CDH6: variants seen among roughly 807,000 people sequenced by gnomAD.
The protein encoded by CDH6 is cadherin-6.
CDH6 carries 31 observed loss-of-function variants against 78.0 expected under a neutral mutation model. The observed-to-expected ratio is 0.40, with a 90% CI of 0.30 to 0.54. The LOEUF (loss-of-function observed/expected upper bound fraction) is 0.54, where lower values mean the gene tolerates loss of function less well. Among genes scored for constraint, CDH6 ranks in the 20% least tolerant of loss-of-function variants. The probability of loss-of-function intolerance (pLI) is 0.56; values close to 1 mark genes in which losing one functional copy is unlikely to be tolerated. For missense variants in CDH6, 724 were observed against 975.9 expected, an observed-to-expected ratio of 0.74 and a Z score of 3.44; for synonymous variants, 376 against 368.8, an observed-to-expected ratio of 1.02 and a Z score of -0.23.
intron 1 of CDH6, among the ~76,000 whole-genome samples, chr5:31,245,934 A>G (rs531618586): frequency 1.5e-3 from 156 of 103,684 alleles, no homozygotes; most frequent in African/African-American, 6.0e-3. Flanking sequence ...TGTGAGACAG[A>G]GTTTTGCTCG....
chr5:31,267,244 T>G (rs1003282366), intron 1 of CDH6, 102 bp from the exon 2 acceptor site: 14 of 495,628 alleles, frequency 2.8e-5, no homozygotes, highest in African/African-American at 2.7e-4. Context: ...TTTTTGTTGT[T>G]TTGCTATTCA....
rs180732528 is a variant in CDH6, at chr5:31,221,843, A to C, written c.-129+27957A>C. ...TGAAACTTAAAATTCCAATTTGGCC[A>C]TTACGAGTTAGGAGTTTTTGAGACA... On this transcript the variant is annotated intron_variant, in intron 1 of 11. Transcript: ENST00000265071. Among the ~76,000 whole-genome samples, 27 of 152,322 alleles carry C rather than the reference A, an allele frequency of 1.8e-4. No homozygotes were observed. The East Asian group carries it at 5.2e-3, about 29-fold the overall frequency.
chr5:31,231,067 A>G (rs930087871), intron 1 of CDH6, among the ~76,000 whole-genome samples: 2 of 152,154 alleles, frequency 1.3e-5, no homozygotes, highest in South Asian at 2.1e-4. Context: ...TTCAAATGCA[A>G]TATTTTTCTT....
chr5:31,290,345 G>A (rs1743123619), intron 2 of CDH6, among the ~76,000 whole-genome samples: 1 of 152,220 alleles, frequency 6.6e-6, no homozygotes, highest in Middle Eastern at 3.2e-3. Flanking sequence ...TACAGGTACA[G>A]TAGTAAAAAG....
intron 11 of CDH6, among the ~76,000 whole-genome samples, chr5:31,320,526 G>A (rs1177003028): frequency 6.6e-6 from 1 of 152,104 alleles, no homozygotes; most frequent in Non-Finnish European, 1.5e-5. Context: ...AATCCCAATG[G>A]ATGTCCTTAC....
rs2149962636 is a variant in CDH6, at chr5:31,323,593, G to A, written c.*285G>A. 2.5e-6 allele frequency: 1 copy of A among 398,136 alleles called. No individual in the cohort carries two copies. Among genetic ancestry groups the A allele is most frequent in the East Asian group, 4.0e-5 (1 of 25,132 alleles). 24.7% of individuals were successfully genotyped at this position (398,136 alleles called of 1,614,324 possible). ...AGTATTTCCACTTGTTCTCAGGGCA[G>A]CGTGCCCGCTTCCGCTGTCCTGGTG... On this transcript the variant is annotated 3_prime_UTR_variant, in exon 12 of 12. Transcript: ENST00000265071.
chr5:31,211,852 G>A (rs1740716844), intron 1 of CDH6, among the ~76,000 whole-genome samples: 1 of 152,176 alleles, frequency 6.6e-6, no homozygotes, highest in Admixed American at 6.5e-5. Flanking sequence ...TTTGTTTGTG[G>A]TTGGGTTTTG....
chr5:31,219,244 T>G (rs1740943782), intron 1 of CDH6, among the ~76,000 whole-genome samples: 1 of 152,112 alleles, frequency 6.6e-6, no homozygotes, highest in African/African-American at 2.4e-5. Context: ...AGCCATCAGA[T>G]TTTTTTGACT....
chr5:31,293,864 T>C (rs561772279), intron 2 of CDH6, 98 bp from the exon 3 acceptor site: 3 of 708,724 alleles, frequency 4.2e-6, no homozygotes, highest in African/African-American at 3.7e-5. Flanking sequence ...TTAGAAAGAA[T>C]TTAATAAAAG....
At chr5:31,245,464 C>T (rs765082244) in intron 1 of CDH6, among the ~76,000 whole-genome samples, 2 of 152,006 alleles carry the variant, frequency 1.3e-5, no homozygotes, top group Non-Finnish European at 2.9e-5. Flanking sequence ...CGTCAGCTTA[C>T]AGGCCTTTGT....
chr5:31,250,696 G>C (rs528184106), intron 1 of CDH6: 1 of 152,666 alleles, frequency 6.6e-6, no homozygotes, highest in East Asian at 1.9e-4. Context: ...GTGGCACAAG[G>C]GGCCCCAAGG....
chr5:31,212,812 T>C (rs2111810042), intron 1 of CDH6, among the ~76,000 whole-genome samples: 1 of 151,708 alleles, frequency 6.6e-6, no homozygotes, highest in African/African-American at 2.4e-5. Flanking sequence ...ATGCCCCAAA[T>C]AAAATAGGAG....
rs566194693 is a variant in CDH6 at position 31,297,691 on chromosome 5, T to A, written c.643+283T>A. Among the ~76,000 whole-genome samples, 5 of 152,322 alleles carry A rather than the reference T, an allele frequency of 3.3e-5. No homozygotes were observed. The East Asian group carries it at 7.7e-4, about 24-fold the overall frequency. ...TGAAGCTAAAAGGTAAACCCCTTTTTGATAGTATTGGCCTGTTTACAGATA... is the reference window on the plus strand; with the variant it reads ...TGAAGCTAAAAGGTAAACCCCTTTTAGATAGTATTGGCCTGTTTACAGATA... On this transcript the variant is annotated intron_variant, in intron 4 of 11. Coordinates refer to ENST00000265071, the MANE Select transcript of CDH6 (RefSeq NM_004932.4).
chr5:31,322,936 G>A lies in CDH6; in HGVS notation c.2001G>A (p.Glu667=). 3 of 1,613,892 alleles carry A rather than the reference G, an allele frequency of 1.9e-6. No homozygotes were observed. The highest frequency in any genetic ancestry group is 2.5e-6 in the Non-Finnish European group (3 of 1,179,900). ...VSYNDEGGGE[E]DTQAFDIGTL... is the part of the protein sequence containing the mutation. ...ACAACGACGAAGGTGGTGGAGAGGA[G>A]GACACCCAGGCTTTTGATATCGGCA... The change falls in exon 12 of 12, where the codon GAG becomes GAA. Residue 667 remains glutamate (E), a synonymous_variant. Coordinates refer to ENST00000265071, the MANE Select transcript of CDH6 (RefSeq NM_004932.4).
chr5:31,302,307 G>A lies in CDH6; in HGVS notation c.999+9G>A, dbSNP rs747170970. 2.5e-5 allele frequency: 40 copies of A among 1,602,652 alleles called. No individual in the cohort carries two copies. The highest frequency in any genetic ancestry group is 3.0e-5 in the Non-Finnish European group (35 of 1,171,706). On this transcript the variant is annotated intron_variant, in intron 6 of 11. Coordinates refer to ENST00000265071, the MANE Select transcript of CDH6 (RefSeq NM_004932.4). ...TTATAACTGTCAAAAAGGTAATGCC[G>A]CTTCTTAAACACCATACAGAGTGAA...
chr5:31,213,747 C>T (rs1173628547), intron 1 of CDH6, among the ~76,000 whole-genome samples: 2 of 152,092 alleles, frequency 1.3e-5, no homozygotes, highest in African/African-American at 2.4e-5. Context: ...AGCTATCAGC[C>T]GAATAGCACA....
chr5:31,232,868 A>T (rs1322853959), intron 1 of CDH6, among the ~76,000 whole-genome samples: 1 of 152,198 alleles, frequency 6.6e-6, no homozygotes, highest in Non-Finnish European at 1.5e-5. Flanking sequence ...TCCATATATT[A>T]ATTCATTTCA....
At chr5:31,255,389 CAT>C (rs1203834969) in intron 1 of CDH6, among the ~76,000 whole-genome samples, 1 of 152,190 alleles carries the variant, frequency 6.6e-6, no homozygotes, top group African/African-American at 2.4e-5. Context: ...CATATTTAAA[CAT>C]GTATTAATTA....
chr5:31,228,317 A>G (rs1327413483), intron 1 of CDH6, among the ~76,000 whole-genome samples: 1 of 152,148 alleles, frequency 6.6e-6, no homozygotes, highest in East Asian at 1.9e-4. Flanking sequence ...TATTAATAAC[A>G]TAGTTCTGTG....
Sources: gnomAD v4.1 joint callset for allele counts (sites outside exome capture counted in the v4.1 genomes callset) on GRCh38, gnomAD v4.1.1 for gene constraint, MANE v1.5 for transcripts, NCBI Gene and HGNC (gene_info 2026-07-23, HGNC 2026-07-21) for gene names.